The following DST variants were observed in gnomAD, a reference collection of about 807,000 sequenced individuals.
DST encodes the protein dystonin.
A neutral mutation model predicts 875.2 loss-of-function variants in DST; 253 were observed. The observed-to-expected ratio is 0.29, with a 90% CI of 0.26 to 0.32. The LOEUF (loss-of-function observed/expected upper bound fraction) is 0.32. Among genes scored for constraint, DST ranks in the 10% least tolerant of loss-of-function variants. The pLI, the probability that DST is intolerant of heterozygous loss-of-function variation, is 1.00. For synonymous variants in DST, 3,124 were observed against 3,197.1 expected, an observed-to-expected ratio of 0.98 and a Z score of 0.77; for missense variants, 8,287 against 9,111.6, an observed-to-expected ratio of 0.91 and a Z score of 3.68.
chr6:56,837,358 G>A (rs1000201451), intron 4 of DST, among the ~76,000 whole-genome samples: 7 of 152,152 alleles, frequency 4.6e-5, no homozygotes, highest in Non-Finnish European at 1.0e-4. Context: ...CCCACATGCA[G>A]AACCAACTAA....
chr6:56,713,063 C>G (rs959380441), intron 5 of DST, among the ~76,000 whole-genome samples: 18 of 152,200 alleles, frequency 1.2e-4, no homozygotes, highest in African/African-American at 4.1e-4. Context: ...CTTTACCAGA[C>G]TGACTTTCTC....
Position 56,829,500 on chromosome 6 carries a change from A to C in DST, c.625+21897T>G, listed in dbSNP as rs1022869690. Among the ~76,000 whole-genome samples the C allele has an allele frequency of 9.8e-5, 15 of 152,318 alleles. No homozygotes were observed. The East Asian group carries it at 2.7e-3, about 27-fold the overall frequency. The stretch of plus-strand genomic sequence containing the variant: ...AATACAAATGCAATAAATGATTGCA[A>C]ACTATATCAAAAGGCTGGAAGGCAT... On this transcript the variant is annotated intron_variant, in intron 4 of 103. Coordinates refer to ENST00000680361, the MANE Select transcript of DST (RefSeq NM_001374736.1).
chr6:56,827,608 A>C (rs2153056378), intron 4 of DST, among the ~76,000 whole-genome samples: 1 of 152,228 alleles, frequency 6.6e-6, no homozygotes, highest in African/African-American at 2.4e-5. Flanking sequence ...AATTGAATAT[A>C]GAACGGTGGA....
intron 3 of DST, among the ~76,000 whole-genome samples, chr6:56,867,808 G>A (rs1246268605): frequency 6.6e-6 from 1 of 152,036 alleles, no homozygotes; most frequent in Non-Finnish European, 1.5e-5. Flanking sequence ...ACTCCAGTCT[G>A]GCGACAGAGC....
At chr6:56,667,396 T>C (rs2099077307) in intron 10 of DST, among the ~76,000 whole-genome samples, 1 of 152,182 alleles carries the variant, frequency 6.6e-6, no homozygotes, top group Non-Finnish European at 1.5e-5. Context: ...GAAAAGTACT[T>C]AATTTTCTTT....
chr6:56,721,788 C>T (rs1175813747), intron 5 of DST, among the ~76,000 whole-genome samples: 8 of 152,258 alleles, frequency 5.3e-5, no homozygotes, highest in South Asian at 2.1e-4. Context: ...CTTCATAAAC[C>T]GATTTAGGGA....
chr6:56,878,875 T>C (rs1272471055), intron 3 of DST, among the ~76,000 whole-genome samples: 1 of 152,190 alleles, frequency 6.6e-6, no homozygotes, highest in Non-Finnish European at 1.5e-5. Context: ...TAATAATTCA[T>C]GAGGCTAGAC....
chr6:56,872,447 A>C (rs905570541), intron 3 of DST, among the ~76,000 whole-genome samples: 1 of 152,168 alleles, frequency 6.6e-6, no homozygotes. Context: ...ACTTGAGCCC[A>C]GGAGTTTGAG....
At chr6:56,820,485 T>G (rs1404174658) in intron 4 of DST, among the ~76,000 whole-genome samples, 1 of 152,194 alleles carries the variant, frequency 6.6e-6, no homozygotes, top group Non-Finnish European at 1.5e-5. Flanking sequence ...ACTCATCACT[T>G]AACTAATTTC....
intron 2 of DST, among the ~76,000 whole-genome samples, chr6:56,917,684 G>T (rs1296778403): frequency 6.6e-6 from 1 of 152,126 alleles, no homozygotes; most frequent in African/African-American, 2.4e-5. Context: ...TGATTTAAAA[G>T]AAGTTTATTT....
chr6:56,583,992 G>A (rs555854823), intron 49 of DST, among the ~76,000 whole-genome samples: 1 of 152,262 alleles, frequency 6.6e-6, no homozygotes, highest in East Asian at 1.9e-4. Context: ...TTTGGTTACT[G>A]TAGCCTTGTA....
At chr6:56,952,889 T>G (rs1191462874) in intron 2 of DST, among the ~76,000 whole-genome samples, 1 of 152,260 alleles carries the variant, frequency 6.6e-6, no homozygotes, top group Non-Finnish European at 1.5e-5. Context: ...TGTGCAACAT[T>G]TTAATGATAT....
At chr6:56,790,655 A>G (rs2099719568) in intron 4 of DST, among the ~76,000 whole-genome samples, 1 of 152,166 alleles carries the variant, frequency 6.6e-6, no homozygotes, top group Admixed American at 6.5e-5. Flanking sequence ...AATAGACTAC[A>G]GTTTTCTGGC....
intron 5 of DST, among the ~76,000 whole-genome samples, chr6:56,726,624 G>C (rs78228291): frequency 3.9e-5 from 6 of 152,030 alleles, no homozygotes; most frequent in Non-Finnish European, 7.4e-5. Flanking sequence ...TTGGACTTGG[G>C]GCCTCAGTTT....
At chr6:56,637,107 AC>A (rs1554543208) in intron 22 of DST, among the ~76,000 whole-genome samples, 3 of 145,346 alleles carry the variant, frequency 2.1e-5, no homozygotes, top group African/African-American at 5.4e-5. Flanking sequence ...AAACAAACAA[AC>A]AAAAAAAAAA....
chr6:56,874,704 G>C (rs914618519), intron 3 of DST, among the ~76,000 whole-genome samples: 3 of 152,122 alleles, frequency 2.0e-5, no homozygotes, highest in Admixed American at 1.3e-4. Context: ...ATATCTATCC[G>C]TTCTAATCGC....
At position 56,898,101 on chromosome 6, in the gene DST, A is replaced by G. The variant is rs187535153; in HGVS notation, c.417+2320T>C. On this transcript the variant is annotated intron_variant, in intron 3 of 103. Transcript: ENST00000680361. ...TCTTAGTGTGCTGTTTCCTGCAGAT[A>G]CACAGAGCAGGATTTGAACCCACGT... 2.3e-3 allele frequency among the ~76,000 whole-genome samples: 342 copies of G among 149,602 alleles called. 3 individuals are homozygous for G. Among genetic ancestry groups the G allele is most frequent in the Middle Eastern group, 0.014 (4 of 294 alleles).
chr6:56,600,533 C>T (rs944210798), intron 44 of DST, among the ~76,000 whole-genome samples: 2 of 151,888 alleles, frequency 1.3e-5, no homozygotes, highest in Non-Finnish European at 2.9e-5. Flanking sequence ...TTGAAACCTG[C>T]GACACATAGA....
intron 4 of DST, among the ~76,000 whole-genome samples, chr6:56,748,323 T>C (rs940915020): frequency 2.0e-5 from 3 of 152,128 alleles, no homozygotes; most frequent in African/African-American, 7.2e-5. Context: ...TAGGAATCAG[T>C]AGGAGGCAAG....
Sources: allele counts gnomAD v4.1 joint callset (sites outside exome capture counted in the v4.1 genomes callset), GRCh38; gene constraint gnomAD v4.1.1; transcripts MANE v1.5; gene names NCBI Gene and HGNC (gene_info 2026-07-23, HGNC 2026-07-21).